The following CRKL variants were observed in gnomAD, a reference collection of about 807,000 sequenced individuals.
CRKL encodes crk-like protein.
In CRKL, 3 loss-of-function variants were observed where a neutral mutation model predicts 23.0. The observed-to-expected ratio is 0.13, with a 90% confidence interval of 0.06 to 0.34. CRKL has a LOEUF of 0.34. Ranked by LOEUF, CRKL falls within the 10% of genes least tolerant of loss-of-function variation. The pLI is 1.00. For missense variants in CRKL, 256 were observed against 394.5 expected, an observed-to-expected ratio of 0.65 and a Z score of 2.97; for synonymous variants, 188 against 160.7, an observed-to-expected ratio of 1.17 and a Z score of -1.28.
intron 1 of CRKL, 46 bp downstream of exon 1, chr22:20,918,291 G>A (rs754393452): frequency 8.8e-6 from 14 of 1,592,594 alleles, no homozygotes; most frequent in Admixed American, 5.2e-5. Flanking sequence ...CGAGAACCGG[G>A]TCTGTCGAAG....
At chr22:20,949,474 C>T (rs1435100765) in intron 2 of CRKL, among the ~76,000 whole-genome samples, 6 of 152,132 alleles carry the variant, frequency 3.9e-5, no homozygotes, top group African/African-American at 4.8e-5. Flanking sequence ...TGGTGGTGCA[C>T]GCCTGTAGTC....
At chr22:20,930,413 T>A (rs891051402) in intron 1 of CRKL, among the ~76,000 whole-genome samples, 2 of 152,228 alleles carry the variant, frequency 1.3e-5, no homozygotes, top group Non-Finnish European at 2.9e-5. Flanking sequence ...GGAGTCTTGC[T>A]CTGTCACCCA....
At chr22:20,942,989 G>A (rs1467295851) in intron 2 of CRKL, among the ~76,000 whole-genome samples, 1 of 151,896 alleles carries the variant, frequency 6.6e-6, no homozygotes, top group African/African-American at 2.4e-5. Context: ...AGTATATAAG[G>A]GCTCCCTTCT....
intron 1 of CRKL, among the ~76,000 whole-genome samples, chr22:20,927,880 G>C (rs1921289273): frequency 6.9e-6 from 1 of 144,028 alleles, no homozygotes; most frequent in Admixed American, 7.1e-5. Context: ...AAAAGAGTAA[G>C]CCTGGGCACG....
chr22:20,933,630 T>C, intron 1 of CRKL, 149 bp from the exon 2 acceptor site: 1 of 653,438 alleles, frequency 1.5e-6, no homozygotes, highest in South Asian at 2.2e-5. Context: ...ATCACGCTAT[T>C]GCACTCCAGC....
Position 20,951,360 on chromosome 22 carries a change from C to T in CRKL, c.*1515C>T, listed in dbSNP as rs762925828. 36 of 231,632 alleles carry T rather than the reference C, an allele frequency of 1.6e-4. No homozygotes were observed. The highest frequency in any genetic ancestry group is 2.6e-3 in the Middle Eastern group (2 of 774). 14.3% of individuals were successfully genotyped at this position (231,632 alleles called of 1,614,324 possible). A position where few individuals can be genotyped will look rare whatever the true frequency, so the allele number is the denominator to read the frequency against. The stretch of plus-strand genomic sequence containing the variant: ...TTAGTGTTTTAGTGACTAGGGAGAC[C>T]ATTAACTAGTTTATCATTAACCACT... On this transcript the variant is annotated 3_prime_UTR_variant, in exon 3 of 3. Transcript: ENST00000354336.
chr22:20,953,033 G>C lies in CRKL; in HGVS notation c.*3188G>C, dbSNP rs1239152875. 1.7e-5 allele frequency: 4 copies of C among 232,016 alleles called. No homozygotes were observed. The allele number at this position is 232,016 out of a possible 1,614,324, so 14.4% of individuals were successfully genotyped here. ...TCCTTTACAGCTGTTTACAGACAAG[G>C]CAGGCCTGAGGCAGATGGCCACTGC... On this transcript the variant is annotated 3_prime_UTR_variant, in exon 3 of 3. Coordinates refer to ENST00000354336, the MANE Select transcript of CRKL (RefSeq NM_005207.4).
In CRKL at chr22:20,950,641, G is replaced by T; in HGVS notation, c.*796G>T. The T allele has an allele frequency of 4.7e-6, 1 of 213,680 alleles. No individual in the cohort carries two copies. Among genetic ancestry groups the T allele is most frequent in the South Asian group, 1.9e-4 (1 of 5,372 alleles). The allele number at this position is 213,680 out of a possible 1,614,324, so 13.2% of individuals were successfully genotyped here. ...TTGACCAGGCTGGTCTCAAACTCCT[G>T]ACTTCAGGTGATCCACCCGCCTTCA... On this transcript the variant is annotated 3_prime_UTR_variant, in exon 3 of 3. Transcript: ENST00000354336.
intron 2 of CRKL, among the ~76,000 whole-genome samples, 158 bp downstream of exon 2, chr22:20,934,402 T>G (rs557217459): frequency 6.6e-6 from 1 of 152,354 alleles, no homozygotes. Context: ...TTAAAATTTT[T>G]TTATAGAGAC....
intron 1 of CRKL, among the ~76,000 whole-genome samples, chr22:20,929,467 T>C (rs566335478): frequency 1.3e-5 from 2 of 149,646 alleles, no homozygotes; most frequent in East Asian, 4.0e-4. Context: ...ACCTGCCTTA[T>C]CTATTTAATT....
Position 20,917,769 on chromosome 22 carries a change from T to C in CRKL, c.-166T>C. ...GCAGGCGGGCGGCGTCGGAGGATGC[T>C]GCGGGCCCGGAGCCGAGAGGAAAGT... On this transcript the variant is annotated 5_prime_UTR_variant, in exon 1 of 3. Transcript: ENST00000354336. The C allele has an allele frequency of 1.5e-6, 1 of 674,058 alleles. No homozygotes were observed. The allele number at this position is 674,058 out of a possible 1,614,324, so 41.8% of individuals were successfully genotyped here. A position where few individuals can be genotyped will look rare whatever the true frequency, so the allele number is the denominator to read the frequency against.
At chr22:20,918,841 C>G (rs555042595) in intron 1 of CRKL, among the ~76,000 whole-genome samples, 14 of 152,116 alleles carry the variant, frequency 9.2e-5, no homozygotes, top group Non-Finnish European at 1.5e-4. Context: ...CCGCCTGCCT[C>G]GGTCTCCCAA....
At chr22:20,925,186 C>CAAA (rs11451684) in intron 1 of CRKL, among the ~76,000 whole-genome samples, 78 of 100,700 alleles carry the variant, frequency 7.7e-4, no homozygotes, top group Admixed American at 2.0e-3. Flanking sequence ...GACTCCGTCT[C>CAAA]AAAAAAAAAA....
rs1265295175 is a variant in CRKL, at chr22:20,952,647, G to A, written c.*2802G>A. ...GAGCAGTGCACATCTGACCCAGAGG[G>A]TGGGTGTTCATAACTGCTACTTGCT... On this transcript the variant is annotated 3_prime_UTR_variant, in exon 3 of 3. Transcript: ENST00000354336. 1.3e-5 allele frequency: 3 copies of A among 232,542 alleles called. No individual in the cohort carries two copies. Among genetic ancestry groups the A allele is most frequent in the Admixed American group, 1.1e-4 (2 of 17,750 alleles). 14.4% of individuals were successfully genotyped at this position (232,542 alleles called of 1,614,324 possible).
chr22:20,947,343 C>G (rs1922102018), intron 2 of CRKL, among the ~76,000 whole-genome samples: 1 of 150,672 alleles, frequency 6.6e-6, no homozygotes. Context: ...TCCCAAAGTG[C>G]TGGGATTACA....
intron 1 of CRKL, among the ~76,000 whole-genome samples, chr22:20,930,873 A>G (rs1921423626): frequency 6.7e-6 from 1 of 148,602 alleles, no homozygotes; most frequent in Non-Finnish European, 1.5e-5. Context: ...GTAGAGAGAC[A>G]GGGTTTCACC....
At chr22:20,949,227 G>A (rs1216745324) in intron 2 of CRKL, among the ~76,000 whole-genome samples, 3 of 152,116 alleles carry the variant, frequency 2.0e-5, no homozygotes, top group African/African-American at 7.2e-5. Context: ...ATGGGCTCAA[G>A]CCATCCTCTC....
chr22:20,953,218 A>T lies in CRKL; in HGVS notation c.*3373A>T, dbSNP rs1431844348. On this transcript the variant is annotated 3_prime_UTR_variant, in exon 3 of 3. Coordinates refer to ENST00000354336, the MANE Select transcript of CRKL (RefSeq NM_005207.4). ...TGTTTTAACACAGTACCTAAGACTA[A>T]TGCTTTCTGTGGACACCACTGAGCT... 1 of 231,860 alleles carries T rather than the reference A, an allele frequency of 4.3e-6. No homozygotes were observed. The highest frequency in any genetic ancestry group is 1.3e-3 in the Middle Eastern group (1 of 766). The allele number at this position is 231,860 out of a possible 1,614,324, so 14.4% of individuals were successfully genotyped here. A position where few individuals can be genotyped will look rare whatever the true frequency, so the allele number is the denominator to read the frequency against.
chr22:20,922,761 G>A (rs1401069240), intron 1 of CRKL, among the ~76,000 whole-genome samples: 1 of 152,090 alleles, frequency 6.6e-6, no homozygotes, highest in East Asian at 1.9e-4. Context: ...TGCCACCTCC[G>A]CCTCTGGGGT....
Sources: gnomAD v4.1 joint callset for allele counts (sites outside exome capture counted in the v4.1 genomes callset) on GRCh38, gnomAD v4.1.1 for gene constraint, MANE v1.5 for transcripts, NCBI Gene and HGNC (gene_info 2026-07-23, HGNC 2026-07-21) for gene names.